SLC35F1: variants seen among roughly 807,000 people sequenced by gnomAD.
SLC35F1 encodes the protein chromosome 6 open reading frame 169.
In SLC35F1, 14 loss-of-function variants were observed where a neutral mutation model predicts 48.7. The ratio of observed to expected loss-of-function variants is 0.29; its 90% CI spans 0.19 to 0.45. The LOEUF (loss-of-function observed/expected upper bound fraction) is 0.45. Among genes scored for constraint, SLC35F1 ranks in the 20% least tolerant of loss-of-function variants. The pLI, the probability that SLC35F1 is intolerant of heterozygous loss-of-function variation, is 1.00. For synonymous variants in SLC35F1, 190 were observed against 202.2 expected (o/e 0.94, Z 0.51); for missense variants, 404 against 500.0 (o/e 0.81, Z 1.83).
chr6:118,167,028 C>T (rs1774327991), intron 2 of SLC35F1, among the ~76,000 whole-genome samples: 1 of 152,158 alleles, frequency 6.6e-6, no homozygotes, highest in Admixed American at 6.6e-5. Context: ...TTTCTTTCTT[C>T]ATGAATTCAC....
intron 1 of SLC35F1, among the ~76,000 whole-genome samples, chr6:118,042,832 C>T (rs1234383143): frequency 6.6e-6 from 1 of 152,062 alleles, no homozygotes; most frequent in Non-Finnish European, 1.5e-5. Context: ...GAATGTGGAA[C>T]ATATGGGAAA....
chr6:117,966,329 C>T (rs1016958213), intron 1 of SLC35F1, among the ~76,000 whole-genome samples: 11 of 151,600 alleles, frequency 7.3e-5, no homozygotes, highest in African/African-American at 1.9e-4. Flanking sequence ...AGCGAGACCA[C>T]GAACCCACCG....
intron 1 of SLC35F1, among the ~76,000 whole-genome samples, chr6:118,111,992 T>G (rs1454612581): frequency 3.9e-5 from 6 of 152,216 alleles, no homozygotes; most frequent in Admixed American, 3.9e-4. Flanking sequence ...TTAATAATGT[T>G]TTCTAAACAG....
rs1772041963 is a variant in SLC35F1, at chr6:118,031,238, C to A, written c.174-123207C>A. On this transcript the variant is annotated intron_variant, in intron 1 of 7. Transcript: ENST00000360388. ...AGCCTGGTTTCTTTATCCCTTACAT[C>A]TGAACTTATTAGTAATTTTTAAGTA... 2.0e-5 allele frequency among the ~76,000 whole-genome samples: 3 copies of A among 152,072 alleles called. No homozygotes were observed. In the South Asian group the frequency reaches 6.2e-4, roughly 31 times the overall value.
chr6:118,105,333 G>T (rs1359947354), intron 1 of SLC35F1, among the ~76,000 whole-genome samples: 1 of 152,158 alleles, frequency 6.6e-6, no homozygotes, highest in Non-Finnish European at 1.5e-5. Flanking sequence ...TCAACATCCT[G>T]GGCCTTAGAT....
intron 1 of SLC35F1, among the ~76,000 whole-genome samples, chr6:118,133,419 G>A (rs1773746252): frequency 6.6e-6 from 1 of 152,066 alleles, no homozygotes; most frequent in Admixed American, 6.5e-5. Context: ...ACTAACACTA[G>A]TTTTTAGATA....
At chr6:118,272,746 T>TAC (rs1775870730) in intron 4 of SLC35F1, among the ~76,000 whole-genome samples, 6 of 99,966 alleles carry the variant, frequency 6.0e-5, no homozygotes, top group African/African-American at 2.5e-4. Flanking sequence ...TGTATATATA[T>TAC]ATACATATAT....
At chr6:117,956,601 G>C (rs1366868782) in intron 1 of SLC35F1, among the ~76,000 whole-genome samples, 1 of 152,144 alleles carries the variant, frequency 6.6e-6, no homozygotes, top group Admixed American at 6.5e-5. Context: ...GTGCATCCAG[G>C]CCTTATTAAC....
chr6:118,223,053 A>G (rs1025148266), intron 2 of SLC35F1, among the ~76,000 whole-genome samples: 2 of 152,200 alleles, frequency 1.3e-5, no homozygotes, highest in African/African-American at 4.8e-5. Context: ...GTAACCACAC[A>G]AGTACATGCT....
At chr6:117,976,125 ATCT>A (rs1359737593) in intron 1 of SLC35F1, among the ~76,000 whole-genome samples, 2 of 152,172 alleles carry the variant, frequency 1.3e-5, no homozygotes, top group African/African-American at 2.4e-5. Flanking sequence ...AAGGAGTGTG[ATCT>A]TCTTTGTCTA....
intron 7 of SLC35F1, among the ~76,000 whole-genome samples, chr6:118,297,168 A>T (rs1337168341): frequency 2.0e-5 from 3 of 152,082 alleles, no homozygotes; most frequent in African/African-American, 7.2e-5. Context: ...CTTGACTTTT[A>T]CTGTACTGTT....
chr6:118,294,262 T>A (rs1319165328), intron 7 of SLC35F1, among the ~76,000 whole-genome samples: 2 of 152,360 alleles, frequency 1.3e-5, no homozygotes, highest in Admixed American at 1.3e-4. Flanking sequence ...TGCATAAAAA[T>A]GTAGAAAACA....
intron 6 of SLC35F1, among the ~76,000 whole-genome samples, chr6:118,283,845 T>C (rs1776015256): frequency 6.6e-6 from 1 of 152,158 alleles, no homozygotes; most frequent in African/African-American, 2.4e-5. Flanking sequence ...GGTCCGTTTT[T>C]AGAGAATTCA....
intron 7 of SLC35F1, among the ~76,000 whole-genome samples, chr6:118,301,536 A>T (rs1776254784): frequency 6.6e-6 from 1 of 152,228 alleles, no homozygotes; most frequent in Non-Finnish European, 1.5e-5. Context: ...ATTTGGTAAG[A>T]AATTTATTTG....
intron 1 of SLC35F1, among the ~76,000 whole-genome samples, chr6:117,954,304 G>A (rs544517403): frequency 1.3e-5 from 2 of 151,866 alleles, no homozygotes; most frequent in Non-Finnish European, 2.9e-5. Context: ...TGCCCAGGCC[G>A]GAGTGCAATG....
intron 1 of SLC35F1, among the ~76,000 whole-genome samples, chr6:118,044,001 T>C (rs1413556891): frequency 2.0e-5 from 3 of 152,216 alleles, no homozygotes; most frequent in Non-Finnish European, 4.4e-5. Context: ...CAAAAGGGAC[T>C]GCCAACAAAT....
At chr6:118,258,628 C>A (rs1775674484) in intron 3 of SLC35F1, among the ~76,000 whole-genome samples, 1 of 151,890 alleles carries the variant, frequency 6.6e-6, no homozygotes, top group Non-Finnish European at 1.5e-5. Flanking sequence ...TAATGAAAAC[C>A]AATTTGCCTT....
intron 1 of SLC35F1, among the ~76,000 whole-genome samples, chr6:118,055,871 A>G (rs190726643): frequency 1.1e-3 from 168 of 152,328 alleles, no homozygotes; most frequent in African/African-American, 3.9e-3. Context: ...AGTGATTATC[A>G]GCACCTCCTG....
chr6:118,175,936 G>A (rs1204892291), intron 2 of SLC35F1, among the ~76,000 whole-genome samples: 1 of 151,836 alleles, frequency 6.6e-6, no homozygotes, highest in Non-Finnish European at 1.5e-5. Context: ...CAATTAGCGA[G>A]AGGGAAAAAA....
Sources: allele counts gnomAD v4.1 joint callset (sites outside exome capture counted in the v4.1 genomes callset), GRCh38; gene constraint gnomAD v4.1.1; transcripts MANE v1.5; gene names NCBI Gene and HGNC (gene_info 2026-07-23, HGNC 2026-07-21).